Variants in GRIN2B observed in about 807,000 individuals in gnomAD.
GRIN2B encodes glutamate receptor ionotropic, NMDA 2B.
GRIN2B carries 5 observed loss-of-function variants against 114.5 expected under a neutral mutation model. The ratio of observed to expected loss-of-function variants is 0.04; its 90% confidence interval spans 0.02 to 0.09. GRIN2B has a LOEUF of 0.09. Among genes scored for constraint, GRIN2B ranks in the 10% least tolerant of loss-of-function variants. GRIN2B has a pLI of 1.00. For missense variants in GRIN2B, 1,108 were observed against 1,943.5 expected (o/e 0.57, Z 8.08); for synonymous variants, 787 against 745.1 (o/e 1.06, Z -0.92).
intron 2 of GRIN2B, among the ~76,000 whole-genome samples, chr12:13,961,855 C>T (rs61912019): frequency 0.11 from 15,969 of 151,994 alleles, 906 homozygotes; most frequent in Middle Eastern, 0.13. Flanking sequence ...GCAGGCAGCA[C>T]GGCTCAGGCA....
At chr12:13,771,719 A>G (rs532034570) in intron 3 of GRIN2B, among the ~76,000 whole-genome samples, 1 of 152,372 alleles carries the variant, frequency 6.6e-6, no homozygotes, top group South Asian at 2.1e-4. Flanking sequence ...GTGTGAATCT[A>G]TTGACCACAT....
At chr12:13,795,343 T>C (rs1864399930) in intron 3 of GRIN2B, among the ~76,000 whole-genome samples, 1 of 151,656 alleles carries the variant, frequency 6.6e-6, no homozygotes, top group African/African-American at 2.4e-5. Flanking sequence ...TGAGATCTTT[T>C]CTAGAGAAGG....
chr12:13,840,590 G>A (rs1359989478), intron 3 of GRIN2B, among the ~76,000 whole-genome samples: 1 of 152,054 alleles, frequency 6.6e-6, no homozygotes, highest in African/African-American at 2.4e-5. Context: ...AATGTCATAT[G>A]TTAATTAATA....
At chr12:13,695,241 C>T (rs991538701) in intron 4 of GRIN2B, among the ~76,000 whole-genome samples, 10 of 152,168 alleles carry the variant, frequency 6.6e-5, no homozygotes, top group African/African-American at 1.9e-4. Context: ...CTACATCTTT[C>T]GCTCACCTAT....
At chr12:13,688,322 AGTT>A (rs1347578878) in intron 4 of GRIN2B, among the ~76,000 whole-genome samples, 6 of 152,194 alleles carry the variant, frequency 3.9e-5, no homozygotes, top group Admixed American at 6.6e-5. Flanking sequence ...GTGGTCCATC[AGTT>A]GTTTTAAATT....
intron 3 of GRIN2B, among the ~76,000 whole-genome samples, chr12:13,791,267 T>TCCTGGCTAACAC (rs969753520): frequency 2.0e-5 from 3 of 151,854 alleles, no homozygotes; most frequent in African/African-American, 4.8e-5. Context: ...ATCGAGACCA[T>TCCTGGCTAACAC]GGTGAAACCC....
In GRIN2B at chr12:13,746,710, T is replaced by A. The variant is rs145758700; in HGVS notation, c.1010+6607A>T. On this transcript the variant is annotated intron_variant, in intron 4 of 13. Transcript: ENST00000609686. ...CTGGAGATTGAGCCAGTGGGAGGTG[T>A]TTGTGTCACAGACATGGATCTCTCA... Among the ~76,000 whole-genome samples, 299 of 152,234 alleles carry A rather than the reference T, an allele frequency of 2.0e-3. 2 individuals are homozygous for A. The highest frequency in any genetic ancestry group is 7.0e-3 in the African/African-American group (290 of 41,544).
chr12:13,859,710 T>C (rs1865723086), intron 3 of GRIN2B, among the ~76,000 whole-genome samples: 1 of 152,220 alleles, frequency 6.6e-6, no homozygotes, highest in African/African-American at 2.4e-5. Flanking sequence ...TGTGTGACTT[T>C]GGCCAACATA....
chr12:13,957,030 A>G (rs1445098744), intron 2 of GRIN2B, among the ~76,000 whole-genome samples: 2 of 151,970 alleles, frequency 1.3e-5, no homozygotes, highest in Non-Finnish European at 2.9e-5. Flanking sequence ...TTATAGGCAT[A>G]AAAAATAAAT....
At chr12:13,682,954 G>C (rs1201550011) in intron 4 of GRIN2B, among the ~76,000 whole-genome samples, 1 of 152,132 alleles carries the variant, frequency 6.6e-6, no homozygotes, top group East Asian at 1.9e-4. Flanking sequence ...ATATAAGAAG[G>C]TAGAGAACAT....
At chr12:13,718,443 AC>A in intron 4 of GRIN2B, among the ~76,000 whole-genome samples, 1 of 151,796 alleles carries the variant, frequency 6.6e-6, no homozygotes, top group South Asian at 2.1e-4. Flanking sequence ...AAGAGCCAAG[AC>A]CCGGACTGGA....
rs67570541 is a variant in GRIN2B, at chr12:13,694,656, CATATATATATATATATAT to C, written c.1011-18815_1011-18798del. On this transcript the variant is annotated intron_variant, in intron 4 of 13. Transcript: ENST00000609686. ...CCCAGTCTATTGTGCAAGAAAATGT[CATATATATATATATATAT>C]ATATATATATATATATATATATATA... 8.0e-3 allele frequency among the ~76,000 whole-genome samples: 568 copies of C among 71,340 alleles called. 11 individuals carry two copies. Among genetic ancestry groups the C allele is most frequent in the African/African-American group, 0.017 (231 of 13,614 alleles). 46.8% of individuals were successfully genotyped at this position (71,340 alleles called of 152,430 possible). A position where few individuals can be genotyped will look rare whatever the true frequency, so the allele number is the denominator to read the frequency against.
At chr12:13,585,684 T>A (rs1446440775) in intron 10 of GRIN2B, among the ~76,000 whole-genome samples, 3 of 152,214 alleles carry the variant, frequency 2.0e-5, no homozygotes, top group Non-Finnish European at 2.9e-5. Flanking sequence ...ATAGCCATTA[T>A]GTTTCCCAGA....
intron 2 of GRIN2B, among the ~76,000 whole-genome samples, chr12:13,900,740 T>A (rs1459445208): frequency 2.6e-5 from 4 of 152,202 alleles, no homozygotes; most frequent in African/African-American, 9.6e-5. Flanking sequence ...TGTTCAGTTG[T>A]TTGTTTTAGA....
At position 13,563,368 on chromosome 12, in the gene GRIN2B, G is replaced by A. The variant is rs964835181; in HGVS notation, c.3870C>T (p.Ala1290=). The A allele has an allele frequency of 6.8e-6, 11 of 1,614,182 alleles. No individual in the cohort carries two copies. The highest frequency in any genetic ancestry group is 9.3e-6 in the Non-Finnish European group (11 of 1,180,044). ...KYPQSPTNSK[A]QKKNRNKLRR... ...GCAGTTTGTTCCGGTTCTTCTTCTG[G>A]GCCTTGGAATTAGTCGGGCTCTGAG... Residue 1290 remains alanine, a synonymous_variant, in exon 14 of 14, where the codon GCC becomes GCT. Coordinates refer to ENST00000609686, the MANE Select transcript of GRIN2B (RefSeq NM_000834.5).
At chr12:13,613,773 C>T (rs1428207898) in intron 8 of GRIN2B, among the ~76,000 whole-genome samples, 1 of 151,980 alleles carries the variant, frequency 6.6e-6, no homozygotes, top group Non-Finnish European at 1.5e-5. Flanking sequence ...TACAATGATG[C>T]CTGGCACATT....
intron 5 of GRIN2B, among the ~76,000 whole-genome samples, chr12:13,633,449 T>C (rs1949634628): frequency 6.6e-6 from 1 of 152,186 alleles, no homozygotes; most frequent in Non-Finnish European, 1.5e-5. Flanking sequence ...GGTAGGGGTG[T>C]TCATGAGGAT....
rs1205954880 is a variant in GRIN2B at position 13,542,322 on chromosome 12, C to T, written c.*20461G>A. The T allele has an allele frequency of 2.0e-5, 3 of 151,950 alleles. No individual in the cohort carries two copies. Among genetic ancestry groups the T allele is most frequent in the Non-Finnish European group, 4.4e-5 (3 of 67,992 alleles). 9.4% of individuals were successfully genotyped at this position (151,950 alleles called of 1,614,324 possible). A position where few individuals can be genotyped will look rare whatever the true frequency, so the allele number is the denominator to read the frequency against. The stretch of plus-strand genomic sequence containing the variant: ...TATGACCCCCCCACAACGAGACTAG[C>T]TTAGTTGGGAACCTTAGAAAGGACA... On this transcript the variant is annotated 3_prime_UTR_variant, in exon 14 of 14. Coordinates refer to ENST00000609686, the MANE Select transcript of GRIN2B (RefSeq NM_000834.5).
chr12:13,547,894 T>C lies in GRIN2B; in HGVS notation c.*14889A>G, dbSNP rs991132926. On this transcript the variant is annotated 3_prime_UTR_variant, in exon 14 of 14. Transcript: ENST00000609686. Reference sequence around the variant, plus strand: ...ATCTTCTAACTTCCACCCAGATATCTGGCTTCTGTCAATAGGCCTTACCCA... The same window carrying C: ...ATCTTCTAACTTCCACCCAGATATCCGGCTTCTGTCAATAGGCCTTACCCA... 1.3e-5 allele frequency: 2 copies of C among 150,692 alleles called. No homozygotes were observed. The highest frequency in any genetic ancestry group is 4.2e-4 in the South Asian group (2 of 4,750). The allele number at this position is 150,692 out of a possible 1,614,324, so 9.3% of individuals were successfully genotyped here. A position where few individuals can be genotyped will look rare whatever the true frequency, so the allele number is the denominator to read the frequency against.
Sources: gnomAD v4.1 joint callset for allele counts (sites outside exome capture counted in the v4.1 genomes callset) on GRCh38, gnomAD v4.1.1 for gene constraint, MANE v1.5 for transcripts, NCBI Gene and HGNC (gene_info 2026-07-23, HGNC 2026-07-21) for gene names.